The following SCN1A variants were observed in gnomAD, a reference collection of about 807,000 sequenced individuals.
The protein encoded by SCN1A is sodium channel protein type 1 subunit alpha.
SCN1A carries 13 observed loss-of-function variants against 193.7 expected under a neutral mutation model. The ratio of observed to expected loss-of-function variants is 0.07; its 90% CI spans 0.04 to 0.11. The LOEUF (loss-of-function observed/expected upper bound fraction) is 0.11, where lower values mean the gene tolerates loss of function less well. Among genes scored for constraint, SCN1A ranks in the 10% least tolerant of loss-of-function variants. The pLI is 1.00. For missense variants in SCN1A, 1,432 were observed against 2,451.1 expected (o/e 0.58, Z 8.78); for synonymous variants, 781 against 843.6 (o/e 0.93, Z 1.29).
At position 165,991,296 on chromosome 2, in the gene SCN1A, A is replaced by T. The variant is rs1689094673; in HGVS notation, c.5979T>A (p.Ile1993=). 6.2e-7 allele frequency: 1 copy of T among 1,613,384 alleles called. No individual in the cohort carries two copies. The highest frequency in any genetic ancestry group is 8.5e-7 in the Non-Finnish European group (1 of 1,179,784). ...PPSYDRVTKP[I]VEKHEQEGKD... is the part of the protein sequence containing the mutation. ...TGCCTTCTTGCTCATGTTTTTCCACAATTGGCTTTGTCACCCGGTCATAGG... is the reference window on the plus strand; with the variant it reads ...TGCCTTCTTGCTCATGTTTTTCCACTATTGGCTTTGTCACCCGGTCATAGG... The change falls in exon 29 of 29, where the codon ATT becomes ATA. Residue 1993 remains isoleucine (I), a synonymous_variant. Coordinates refer to ENST00000674923, the MANE Select transcript of SCN1A (RefSeq NM_001165963.4).
At chr2:166,027,337 C>T (rs1397783959) in intron 19 of SCN1A, 1 of 152,124 alleles carries the variant, frequency 6.6e-6, no homozygotes, top group East Asian at 1.9e-4. Context: ...CAAAACAAAG[C>T]AAGGCAAAGA....
chr2:166,130,265 A>G (rs1200276122), upstream of SCN1A, among the ~76,000 whole-genome samples: 3 of 152,154 alleles, frequency 2.0e-5, no homozygotes, highest in African/African-American at 4.8e-5. Context: ...TGGGCATCTG[A>G]CACTTCATTT....
chr2:166,112,515 G>A (rs577567455), intron 2 of SCN1A, among the ~76,000 whole-genome samples: 69 of 152,134 alleles, frequency 4.5e-4, no homozygotes, highest in African/African-American at 1.6e-3. Context: ...GCTTTTTTGT[G>A]GTGGGCTGGA....
chr2:166,010,150 A>C (rs1439543777), intron 22 of SCN1A, among the ~76,000 whole-genome samples: 1 of 150,980 alleles, frequency 6.6e-6, no homozygotes, highest in African/African-American at 2.4e-5. Context: ...AGGTGGAAAA[A>C]AATTCATTGG....
chr2:166,144,625 C>T (rs1054284213), intron 1 of SCN1A, among the ~76,000 whole-genome samples: 2 of 152,116 alleles, frequency 1.3e-5, no homozygotes, highest in African/African-American at 4.8e-5. Context: ...CTCTGAAGGT[C>T]TTAGAGCAGG....
chr2:166,019,955 C>G (rs906522223), intron 19 of SCN1A, among the ~76,000 whole-genome samples: 3 of 148,222 alleles, frequency 2.0e-5, no homozygotes, highest in Non-Finnish European at 4.5e-5. Context: ...CTGTCGTCCA[C>G]GCTGGAGTGC....
chr2:166,143,508 A>C (rs948099304), intron 1 of SCN1A, among the ~76,000 whole-genome samples: 2 of 152,266 alleles, frequency 1.3e-5, no homozygotes, highest in Admixed American at 6.5e-5. Flanking sequence ...ATCCTAAGAC[A>C]TGTGTGACTA....
In SCN1A at chr2:166,043,869, C is replaced by T. The variant is rs1271824691; in HGVS notation, c.1843G>A (p.Gly615Arg). Residue 615 changes from glycine (G) to arginine (R), a missense_variant, in exon 14 of 29, where the codon GGA (glycine) becomes AGA (arginine). Coordinates refer to ENST00000674923, the MANE Select transcript of SCN1A (RefSeq NM_001165963.4). ...RDSLFVPRRH[G>R]ERRNSNLSQT... ...CTCAGGTTGCTGTTGCGTCTCTCTCCGTGTCGTCGGGGCACAAACAAGGAA... is the reference window on the plus strand; with the variant it reads ...CTCAGGTTGCTGTTGCGTCTCTCTCTGTGTCGTCGGGGCACAAACAAGGAA... 14 of 1,614,172 alleles carry T rather than the reference C, an allele frequency of 8.7e-6. No individual in the cohort carries two copies. Among genetic ancestry groups the T allele is most frequent in the South Asian group, 3.3e-5 (3 of 91,088 alleles).
intron 1 of SCN1A, among the ~76,000 whole-genome samples, chr2:166,138,184 C>G (rs1222542078): frequency 6.6e-6 from 1 of 152,136 alleles, no homozygotes; most frequent in Non-Finnish European, 1.5e-5. Context: ...AAATTTGCAG[C>G]CTGACAATGC....
chr2:166,129,536 A>G (rs552161), upstream of SCN1A, among the ~76,000 whole-genome samples: 141,556 of 152,188 alleles, frequency 0.93, 66,131 homozygotes, highest in East Asian at 0.98. Flanking sequence ...AAGTTACTCA[A>G]TGTCTGGGAA....
chr2:166,087,861 A>C (rs182883067), intron 2 of SCN1A, among the ~76,000 whole-genome samples: 1 of 152,338 alleles, frequency 6.6e-6, no homozygotes, highest in Admixed American at 6.5e-5. Flanking sequence ...CAAAGTAACC[A>C]AATTGATTTT....
intron 2 of SCN1A, among the ~76,000 whole-genome samples, chr2:166,079,913 C>A (rs999457454): frequency 6.6e-6 from 1 of 151,214 alleles, no homozygotes; most frequent in Non-Finnish European, 1.5e-5. Context: ...AGTAGATCTT[C>A]TATTCAAATG....
intron 2 of SCN1A, chr2:166,126,524 T>TC (rs1286659677): frequency 1.3e-5 from 2 of 152,174 alleles, no homozygotes; most frequent in East Asian, 3.9e-4. Flanking sequence ...AAAGCAGGAA[T>TC]CACCAACCTC....
intron 19 of SCN1A, among the ~76,000 whole-genome samples, chr2:166,019,392 A>T (rs954336584): frequency 1.3e-5 from 2 of 152,214 alleles, no homozygotes; most frequent in African/African-American, 4.8e-5. Context: ...AGGAAAGTGG[A>T]GGTGTGCCTA....
chr2:166,130,296 G>A (rs369639153), upstream of SCN1A, among the ~76,000 whole-genome samples: 7 of 152,224 alleles, frequency 4.6e-5, no homozygotes, highest in East Asian at 5.8e-4. Flanking sequence ...TCATGCACCT[G>A]ATATATGCCA....
intron 2 of SCN1A, among the ~76,000 whole-genome samples, chr2:166,084,354 G>C (rs1685870133): frequency 6.6e-6 from 1 of 151,044 alleles, no homozygotes; most frequent in Non-Finnish European, 1.5e-5. Context: ...CCATGGTCTA[G>C]AAGTAACTTA....
In SCN1A at chr2:165,991,356, A is replaced by G; in HGVS notation, c.5919T>C (p.Thr1973=). ...RINENSITEK[T]DLTMSTAACP... ...AAGCTGCAGTGGACATGGTCAGATCAGTTTTTTCTGTAATAGAGTTTTCAT... is the reference window on the plus strand; with the variant it reads ...AAGCTGCAGTGGACATGGTCAGATCGGTTTTTTCTGTAATAGAGTTTTCAT... The change falls in exon 29 of 29, where the codon ACT becomes ACC. Residue 1973 remains threonine, a synonymous_variant. Coordinates refer to ENST00000674923, the MANE Select transcript of SCN1A (RefSeq NM_001165963.4). 6.2e-7 allele frequency: 1 copy of G among 1,613,252 alleles called. No homozygotes were observed. The highest frequency in any genetic ancestry group is 8.5e-7 in the Non-Finnish European group (1 of 1,179,748).
At chr2:166,017,149 A>G (rs967087317) in intron 19 of SCN1A, among the ~76,000 whole-genome samples, 1 of 151,710 alleles carries the variant, frequency 6.6e-6, no homozygotes, top group African/African-American at 2.4e-5. Flanking sequence ...CTTTGAAATT[A>G]TAAAATATTT....
At chr2:166,027,583 T>C (rs1192025411) in intron 19 of SCN1A, among the ~76,000 whole-genome samples, 1 of 151,220 alleles carries the variant, frequency 6.6e-6, no homozygotes, top group East Asian at 1.9e-4. Context: ...TGTATATGTA[T>C]ATATGTGTGT....
Sources: gnomAD v4.1 joint callset for allele counts (sites outside exome capture counted in the v4.1 genomes callset) on GRCh38, gnomAD v4.1.1 for gene constraint, MANE v1.5 for transcripts, NCBI Gene and HGNC (gene_info 2026-07-23, HGNC 2026-07-21) for gene names.